The following KMT2C variants were observed in gnomAD, a reference collection of about 807,000 sequenced individuals.
The protein encoded by KMT2C is histone-lysine N-methyltransferase 2C.
A neutral mutation model predicts 507.9 loss-of-function variants in KMT2C; 88 were observed. The ratio of observed to expected loss-of-function variants is 0.17; its 90% CI spans 0.15 to 0.21. KMT2C has a LOEUF of 0.21. Ranked by LOEUF, KMT2C falls within the 10% of genes least tolerant of loss-of-function variation. The pLI is 1.00. For synonymous variants in KMT2C, 2,049 were observed against 2,080.8 expected (o/e 0.98, Z 0.42); for missense variants, 4,954 against 5,957.8 (o/e 0.83, Z 5.55).
intron 6 of KMT2C, among the ~76,000 whole-genome samples, chr7:152,304,001 AAAAG>A (rs1175719890): frequency 6.6e-6 from 1 of 152,134 alleles, no homozygotes; most frequent in Non-Finnish European, 1.5e-5. Context: ...AAAACAAAAA[AAAAG>A]AGAGAGAAGA....
At position 152,181,567 on chromosome 7, in the gene KMT2C, G is replaced by A. The variant is rs867645492; in HGVS notation, c.6293C>T (p.Pro2098Leu). The change falls in exon 36 of 59, where the codon CCC becomes CTC. Residue 2098 changes from proline (P) to leucine (L), a missense_variant. Physicochemically the swap from Pro to Leu is moderately conservative, Grantham distance 98 (BLOSUM62 -3). Coordinates refer to ENST00000262189, the MANE Select transcript of KMT2C (RefSeq NM_170606.3). ...ATTCACTGCTGGATGTGGGGTAAGG[G>A]GAGGCTGACTATATGGATCATTTGA... ...NQSNDPYSQP[P>L]LTPHPAVNES... The A allele has an allele frequency of 6.2e-7, 1 of 1,614,042 alleles. No individual in the cohort carries two copies. The highest frequency in any genetic ancestry group is 2.2e-5 in the East Asian group (1 of 44,860).
chr7:152,320,504 C>T (rs1739357818), intron 3 of KMT2C, among the ~76,000 whole-genome samples: 1 of 151,840 alleles, frequency 6.6e-6, no homozygotes, highest in South Asian at 2.1e-4. Flanking sequence ...CTGCCTTGGC[C>T]ACCTAAAGTG....
chr7:152,153,438 C>T (rs908535008), intron 48 of KMT2C, among the ~76,000 whole-genome samples: 3 of 152,210 alleles, frequency 2.0e-5, no homozygotes, highest in African/African-American at 7.2e-5. Flanking sequence ...AAAAAATCCT[C>T]AGGAAATTAC....
intron 1 of KMT2C, among the ~76,000 whole-genome samples, chr7:152,422,797 G>A (rs1308102331): frequency 6.6e-6 from 1 of 152,212 alleles, no homozygotes; most frequent in East Asian, 1.9e-4. Context: ...GCCAAGGCAG[G>A]CAGATCACGA....
Position 152,250,903 on chromosome 7 carries a change from G to A in KMT2C, c.1685C>T (p.Ala562Val), listed in dbSNP as rs2129166091. Residue 562 changes from alanine (A) to valine (V), a missense_variant, in exon 12 of 59, where the codon GCT becomes GTT. Transcript: ENST00000262189. ...CTCCTGACCGTTGACATCTTTATTAGCTGCCTGCTCTGAGAATACCATTTG... is the reference window on the plus strand; with the variant it reads ...CTCCTGACCGTTGACATCTTTATTAACTGCCTGCTCTGAGAATACCATTTG... ...EDQMVFSEQA[A>V]NKDVNGQEST... 1.2e-6 allele frequency: 2 copies of A among 1,611,424 alleles called. No homozygotes were observed. Among genetic ancestry groups the A allele is most frequent in the Non-Finnish European group, 1.7e-6 (2 of 1,177,724 alleles).
chr7:152,250,017 C>A (rs2095539236), intron 12 of KMT2C, 64 bp from the exon 13 acceptor site: 1 of 927,068 alleles, frequency 1.1e-6, no homozygotes, highest in South Asian at 1.4e-5. Flanking sequence ...GTTCCCTCAA[C>A]AGTAATTTGA....
At position 152,330,714 on chromosome 7, in the gene KMT2C, C is replaced by T; in HGVS notation, c.276G>A (p.Glu92=). The part of the protein sequence containing the change: ...ETEIKEQSAE[E]DAEAEVDNSK... ...TGTTATCCACTTCTGCTTCAGCATC[C>T]TCTTCTGCAGATTGTTCTTTGATTT... The change falls in exon 3 of 59, where the codon GAG becomes GAA. Residue 92 remains glutamate (E), a synonymous_variant. Transcript: ENST00000262189. 6.2e-7 allele frequency: 1 copy of T among 1,613,948 alleles called. No individual in the cohort carries two copies. The highest frequency in any genetic ancestry group is 8.5e-7 in the Non-Finnish European group (1 of 1,179,876).
chr7:152,220,165 C>T (rs963293483), intron 23 of KMT2C: 5 of 225,712 alleles, frequency 2.2e-5, no homozygotes, highest in Non-Finnish European at 4.4e-5. Flanking sequence ...ATGTATGCAT[C>T]AACTACCTTA....
At chr7:152,202,696 T>C (rs1317711192) in intron 26 of KMT2C, among the ~76,000 whole-genome samples, 2 of 152,282 alleles carry the variant, frequency 1.3e-5, no homozygotes, top group Middle Eastern at 3.4e-3. Flanking sequence ...TCTTATAGAA[T>C]GCTTAGAAGT....
chr7:152,346,419 G>C (rs751109909), intron 2 of KMT2C, among the ~76,000 whole-genome samples: 1 of 152,132 alleles, frequency 6.6e-6, no homozygotes, highest in Non-Finnish European at 1.5e-5. Context: ...CTAGAATTCG[G>C]TAACAGAAAG....
rs1214953426 is a variant in KMT2C at position 152,194,628 on chromosome 7, T to C, written c.4379-60A>G. 6.1e-6 allele frequency: 8 copies of C among 1,311,516 alleles called. No homozygotes were observed. The Admixed American group carries it at 8.6e-5, about 14-fold the overall frequency. 81.2% of individuals were successfully genotyped at this position (1,311,516 alleles called of 1,614,324 possible). A position where few individuals can be genotyped will look rare whatever the true frequency, so the allele number is the denominator to read the frequency against. On this transcript the variant is annotated intron_variant, in intron 28 of 58. Coordinates refer to ENST00000262189, the MANE Select transcript of KMT2C (RefSeq NM_170606.3). ...TTCAGAATACTCACACAAAAATGTATAGCACTATTTACCTGTACTTAGTAT... is the reference window on the plus strand; with the variant it reads ...TTCAGAATACTCACACAAAAATGTACAGCACTATTTACCTGTACTTAGTAT...
chr7:152,203,951 A>G (rs572552074), intron 25 of KMT2C, among the ~76,000 whole-genome samples: 4 of 152,300 alleles, frequency 2.6e-5, no homozygotes, highest in African/African-American at 9.6e-5. Context: ...CTGAAATCCA[A>G]TGACCTCAAA....
rs750408183 is a variant in KMT2C, at chr7:152,177,354, T to C, written c.8099A>G (p.Asp2700Gly). ...DSDDPSVKEL[D>G]VKDLEGVEVK... ...TTCAACCCCCTCAAGGTCTTTAACA[T>C]CCAGTTCCTTCACAGAAGGGTCATC... is the stretch of plus-strand genomic sequence containing the variant. The change falls in exon 38 of 59, where the codon GAT becomes GGT. Residue 2700 changes from aspartate (D) to glycine (G), a missense_variant. Coordinates refer to ENST00000262189, the MANE Select transcript of KMT2C (RefSeq NM_170606.3). 3 of 1,614,216 alleles carry C rather than the reference T, an allele frequency of 1.9e-6. No homozygotes were observed. The South Asian group carries it at 3.3e-5, about 18-fold the overall frequency.
At chr7:152,327,776 T>G (rs534309109) in intron 3 of KMT2C, among the ~76,000 whole-genome samples, 1 of 151,580 alleles carries the variant, frequency 6.6e-6, no homozygotes, top group Admixed American at 6.6e-5. Context: ...GGCTAACACA[T>G]TGAAACCCCG....
intron 2 of KMT2C, among the ~76,000 whole-genome samples, chr7:152,343,192 T>A (rs978147962): frequency 6.6e-6 from 1 of 152,104 alleles, no homozygotes; most frequent in African/African-American, 2.4e-5. Flanking sequence ...AGATGAGGAA[T>A]TGAAAGCAAC....
At chr7:152,301,848 G>C (rs1362103729) in intron 6 of KMT2C, among the ~76,000 whole-genome samples, 1 of 152,170 alleles carries the variant, frequency 6.6e-6, no homozygotes, top group Admixed American at 6.5e-5. Flanking sequence ...CTTACGTAAA[G>C]ATTCAAGTCA....
rs578116279 is a variant in KMT2C, at chr7:152,185,721, A to C, written c.5009-90T>G. On this transcript the variant is annotated intron_variant, in intron 33 of 58. Transcript: ENST00000262189. ...AATGTTGATGAACTGCTGACAGTTAATCTTATTCAGGCCGTATTCTCATGA... is the reference window on the plus strand; with the variant it reads ...AATGTTGATGAACTGCTGACAGTTACTCTTATTCAGGCCGTATTCTCATGA... 1.9e-3 allele frequency: 1,791 copies of C among 963,664 alleles called. 4 individuals carry two copies. The highest frequency in any genetic ancestry group is 4.7e-3 in the Middle Eastern group (15 of 3,162). The allele number at this position is 963,664 out of a possible 1,614,324, so 59.7% of individuals were successfully genotyped here. A position where few individuals can be genotyped will look rare whatever the true frequency, so the allele number is the denominator to read the frequency against.
At position 152,163,004 on chromosome 7, in the gene KMT2C, C is replaced by T. The variant is rs761972117; in HGVS notation, c.10573G>A (p.Gly3525Arg). The change falls in exon 43 of 59, where the codon GGA (glycine) becomes AGA (arginine). Residue 3525 changes from glycine to arginine, a missense_variant. By Grantham distance (125) the Gly-to-Arg change is moderately radical (BLOSUM62 -2). This residue lies in a region of KMT2C where 801 missense variants were observed against 751.2 expected (regional missense o/e 1.07). Transcript: ENST00000262189. The part of the protein sequence containing the change: ...FVPDSPSIPV[G>R]SPNFSSVKQG... ...TTCACAGAAGAAAAATTTGGGCTTC[C>T]AACAGGGATTGATGGTGAATCAGGA... The T allele has an allele frequency of 5.6e-6, 9 of 1,614,144 alleles. No individual in the cohort carries two copies. Among genetic ancestry groups the T allele is most frequent in the South Asian group, 4.4e-5 (4 of 91,084 alleles).
intron 1 of KMT2C, among the ~76,000 whole-genome samples, chr7:152,392,432 C>T (rs991169611): frequency 8.5e-5 from 13 of 152,174 alleles, no homozygotes; most frequent in African/African-American, 3.1e-4. Context: ...AATGACCCTA[C>T]TTCCCCATTT....
Sources: allele counts gnomAD v4.1 joint callset (sites outside exome capture counted in the v4.1 genomes callset), GRCh38; gene constraint gnomAD v4.1.1; regional missense constraint gnomAD v4.1.1; transcripts MANE v1.5; gene names NCBI Gene and HGNC (gene_info 2026-07-23, HGNC 2026-07-21).